SLC39A11: variants seen among roughly 807,000 people sequenced by gnomAD.
The protein encoded by SLC39A11 is zinc transporter ZIP11.
SLC39A11 carries 33 observed loss-of-function variants against 36.1 expected under a neutral mutation model. The observed-to-expected ratio is 0.91, with a 90% CI of 0.69 to 1.22. The LOEUF is 1.22. Ranked by LOEUF, SLC39A11 falls within the 50% of genes most tolerant of loss-of-function variation. SLC39A11 has a pLI of 0.00. For synonymous variants in SLC39A11, 166 were observed against 170.3 expected (o/e 0.97, Z 0.20); for missense variants, 432 against 430.3 (o/e 1.00, Z -0.03).
chr17:72,867,753 TGC>T (rs200322372), intron 5 of SLC39A11, among the ~76,000 whole-genome samples: 28,145 of 133,812 alleles, frequency 0.21, 2,777 homozygotes, highest in East Asian at 0.37. Flanking sequence ...TTGAATGAAG[TGC>T]GCGCGCACAC....
rs2069605716 is a variant in SLC39A11 at position 72,647,440 on chromosome 17, T to C, written c.*144A>G. On this transcript the variant is annotated 3_prime_UTR_variant, in exon 10 of 10. Coordinates refer to ENST00000255559, the MANE Select transcript of SLC39A11 (RefSeq NM_139177.4). ...AAGCAAAGTAAAAATGGTTCTATTA[T>C]AATCAGAGTCAATCAGGATAATGAG... The C allele has an allele frequency of 5.1e-6, 3 of 593,218 alleles. No homozygotes were observed. Among genetic ancestry groups the C allele is most frequent in the South Asian group, 5.1e-5 (2 of 39,264 alleles). 36.7% of individuals were successfully genotyped at this position (593,218 alleles called of 1,614,324 possible). A position where few individuals can be genotyped will look rare whatever the true frequency, so the allele number is the denominator to read the frequency against.
chr17:73,019,614 G>GAGAT, intron 4 of SLC39A11, among the ~76,000 whole-genome samples: 2 of 152,148 alleles, frequency 1.3e-5, no homozygotes, highest in Middle Eastern at 6.8e-3. Flanking sequence ...ATAACACAAA[G>GAGAT]AGATACATTT....
intron 6 of SLC39A11, among the ~76,000 whole-genome samples, chr17:72,776,623 A>C (rs1445242435): frequency 1.3e-5 from 2 of 151,030 alleles, no homozygotes; most frequent in East Asian, 1.9e-4. Flanking sequence ...AAAAAAAAAA[A>C]AAAAAACAGA....
intron 5 of SLC39A11, among the ~76,000 whole-genome samples, chr17:72,900,726 T>C (rs8073036): frequency 0.14 from 21,120 of 152,170 alleles, 2,794 homozygotes; most frequent in African/African-American, 0.35. Context: ...GGGTGAGCAC[T>C]TCAACAGCAT....
chr17:72,682,293 T>G (rs2071541988), intron 7 of SLC39A11, among the ~76,000 whole-genome samples: 5 of 66,208 alleles, frequency 7.6e-5, no homozygotes, highest in South Asian at 6.1e-4. Flanking sequence ...CCCGAAACCA[T>G]CCCTCCCCCC....
intron 3 of SLC39A11, among the ~76,000 whole-genome samples, chr17:73,032,148 G>A (rs2058757527): frequency 6.6e-6 from 1 of 151,856 alleles, no homozygotes; most frequent in Non-Finnish European, 1.5e-5. Context: ...GCACACCCCT[G>A]ACAACAAAGA....
intron 3 of SLC39A11, among the ~76,000 whole-genome samples, chr17:73,037,989 G>C (rs180766054): frequency 6.6e-6 from 1 of 152,228 alleles, no homozygotes; most frequent in South Asian, 2.1e-4. Context: ...TTGGGAGGCC[G>C]AGGCAGGCGG....
At chr17:72,872,979 G>A (rs1268592434) in intron 5 of SLC39A11, among the ~76,000 whole-genome samples, 2 of 151,368 alleles carry the variant, frequency 1.3e-5, no homozygotes, top group Admixed American at 6.6e-5. Context: ...GCGTGAACCC[G>A]GGAGGCGGAG....
At chr17:72,805,495 G>C (rs2077220396) in intron 6 of SLC39A11, among the ~76,000 whole-genome samples, 1 of 152,184 alleles carries the variant, frequency 6.6e-6, no homozygotes, top group Admixed American at 6.5e-5. Context: ...TACAGTGCCC[G>C]ATCTTCTGTG....
chr17:72,662,884 G>A (rs749487687), intron 7 of SLC39A11, among the ~76,000 whole-genome samples: 1 of 152,188 alleles, frequency 6.6e-6, no homozygotes, highest in Non-Finnish European at 1.5e-5. Context: ...TCATGGCAGT[G>A]CTATCAATAA....
At chr17:72,724,053 T>A (rs2073822146) in intron 7 of SLC39A11, among the ~76,000 whole-genome samples, 2 of 152,204 alleles carry the variant, frequency 1.3e-5, no homozygotes, top group South Asian at 4.2e-4. Flanking sequence ...GGGCGATCAG[T>A]GGTGCTAACA....
rs966850995 is a variant in SLC39A11, at chr17:72,922,973, A to C, written c.430+24779T>G. Among the ~76,000 whole-genome samples the C allele has an allele frequency of 1.5e-3, 215 of 147,952 alleles. 3 individuals carry two copies. Among genetic ancestry groups the C allele is most frequent in the Middle Eastern group, 0.011 (3 of 278 alleles). On this transcript the variant is annotated intron_variant, in intron 5 of 9. Transcript: ENST00000255559. ...GGGACTCCTTCTCAAAAAAAAAAAAAAAAAAAAAAAAAAAAAACACACAGA... is the reference window on the plus strand; with the variant it reads ...GGGACTCCTTCTCAAAAAAAAAAAACAAAAAAAAAAAAAAAAACACACAGA...
intron 6 of SLC39A11, among the ~76,000 whole-genome samples, chr17:72,743,037 C>G (rs922420632): frequency 1.3e-5 from 2 of 152,180 alleles, no homozygotes; most frequent in African/African-American, 2.4e-5. Context: ...AGCACTAGGA[C>G]CTGTGCTAAT....
At chr17:73,076,011 T>C (rs1449286246) in intron 3 of SLC39A11, among the ~76,000 whole-genome samples, 4 of 152,220 alleles carry the variant, frequency 2.6e-5, no homozygotes, top group Non-Finnish European at 5.9e-5. Context: ...GCAGAACACC[T>C]TGTACACAGT....
chr17:72,693,236 C>T (rs1043649105), intron 7 of SLC39A11, among the ~76,000 whole-genome samples: 14 of 148,164 alleles, frequency 9.4e-5, no homozygotes, highest in Non-Finnish European at 1.3e-4. Context: ...TCCCACTGTC[C>T]TCTTGTCCCA....
chr17:73,009,928 T>C (rs148175155), intron 4 of SLC39A11, among the ~76,000 whole-genome samples: 1,815 of 146,870 alleles, frequency 0.012, 38 homozygotes, highest in African/African-American at 0.043. Context: ...TGATGTTCCC[T>C]ACCCTGTGTC....
chr17:73,031,084 G>GAT (rs1400786667), intron 4 of SLC39A11, among the ~76,000 whole-genome samples: 8 of 152,186 alleles, frequency 5.3e-5, no homozygotes, highest in Non-Finnish European at 1.2e-4. Context: ...AATGGCAGGT[G>GAT]TGAGCTCCAG....
At chr17:72,931,611 T>C (rs938757643) in intron 5 of SLC39A11, among the ~76,000 whole-genome samples, 2 of 152,196 alleles carry the variant, frequency 1.3e-5, no homozygotes, top group African/African-American at 4.8e-5. Flanking sequence ...CCCGGCCCCC[T>C]CCCCAGGTGT....
intron 4 of SLC39A11, among the ~76,000 whole-genome samples, chr17:73,010,801 T>C (rs1359971000): frequency 6.6e-6 from 1 of 152,240 alleles, no homozygotes; most frequent in Non-Finnish European, 1.5e-5. Context: ...TGCTTCATGT[T>C]TGTAGGGCCA....
Sources: allele counts gnomAD v4.1 joint callset (sites outside exome capture counted in the v4.1 genomes callset), GRCh38; gene constraint gnomAD v4.1.1; transcripts MANE v1.5; gene names NCBI Gene and HGNC (gene_info 2026-07-23, HGNC 2026-07-21).